Variants in KHDRBS2 observed in about 807,000 individuals in gnomAD.
KHDRBS2 encodes KH domain-containing, RNA-binding, signal transduction-associated protein 2.
A neutral mutation model predicts 44.3 loss-of-function variants in KHDRBS2; 26 were observed. That is an observed-to-expected ratio of 0.59 (90% CI 0.43 to 0.81). The LOEUF is 0.81. Among genes scored for constraint, KHDRBS2 ranks in the 40% least tolerant of loss-of-function variants. The pLI is 0.00. For synonymous variants in KHDRBS2, 194 were observed against 151.1 expected (o/e 1.28, Z -2.08); for missense variants, 476 against 433.1 (o/e 1.10, Z -0.88).
intron 6 of KHDRBS2, among the ~76,000 whole-genome samples, chr6:61,758,694 C>T (rs147543418): frequency 0.013 from 1,922 of 152,166 alleles, 24 homozygotes; most frequent in Non-Finnish European, 0.021. Flanking sequence ...ATAAAATATA[C>T]TCATGCTGTA....
At chr6:61,556,872 A>ATTTTTTTT in the KHDRBS2 span, among the ~76,000 whole-genome samples, 12 of 87,500 alleles carry the variant, frequency 1.4e-4, 1 homozygote, top group East Asian at 3.6e-4. Context: ...TGAAATTGAG[A>ATTTTTTTT]TTTTTTTTTT....
At chr6:61,721,153 C>T (rs1192814001) in intron 7 of KHDRBS2, among the ~76,000 whole-genome samples, 1 of 151,982 alleles carries the variant, frequency 6.6e-6, no homozygotes, top group Admixed American at 6.6e-5. Context: ...TGTTTTGGTA[C>T]CAGTACCATG....
At chr6:61,766,496 T>C (rs1022500387) in intron 6 of KHDRBS2, among the ~76,000 whole-genome samples, 7 of 152,024 alleles carry the variant, frequency 4.6e-5, no homozygotes, top group Non-Finnish European at 1.0e-4. Flanking sequence ...TTATTTCTTC[T>C]ACTAATTTTG....
chr6:61,634,847 T>A, the KHDRBS2 span, among the ~76,000 whole-genome samples: 1 of 152,058 alleles, frequency 6.6e-6, no homozygotes, highest in East Asian at 1.9e-4. Flanking sequence ...TACTTAAAAA[T>A]TGCTTTTGAT....
intron 6 of KHDRBS2, among the ~76,000 whole-genome samples, chr6:61,749,360 A>C (rs1777336674): frequency 6.6e-6 from 1 of 152,288 alleles, no homozygotes; most frequent in South Asian, 2.1e-4. Context: ...ACTGGTAACC[A>C]TATTGGACAT....
chr6:62,250,610 A>G (rs1235041356), intron 1 of KHDRBS2, among the ~76,000 whole-genome samples: 1 of 151,988 alleles, frequency 6.6e-6, no homozygotes, highest in Non-Finnish European at 1.5e-5. Context: ...GCTGGCTGGT[A>G]TATGTGGAGG....
chr6:62,143,628 T>C (rs1445696095), intron 2 of KHDRBS2, among the ~76,000 whole-genome samples: 2 of 151,954 alleles, frequency 1.3e-5, no homozygotes, highest in Non-Finnish European at 2.9e-5. Context: ...CTTTCTTCTA[T>C]AGGACGTGAT....
chr6:61,971,100 C>T (rs1771295879), intron 4 of KHDRBS2, among the ~76,000 whole-genome samples: 1 of 152,064 alleles, frequency 6.6e-6, no homozygotes, highest in South Asian at 2.1e-4. Context: ...AAGCCAAGTC[C>T]TATTTGTATC....
At chr6:62,217,402 T>A (rs1830199232) in intron 1 of KHDRBS2, among the ~76,000 whole-genome samples, 1 of 151,928 alleles carries the variant, frequency 6.6e-6, no homozygotes, top group South Asian at 2.1e-4. Context: ...GACTTAGAAG[T>A]AAACATATAT....
intron 2 of KHDRBS2, among the ~76,000 whole-genome samples, chr6:62,081,882 AC>A (rs1200513439): frequency 6.6e-6 from 1 of 152,046 alleles, no homozygotes; most frequent in Non-Finnish European, 1.5e-5. Context: ...ACACAAAGTC[AC>A]CTACTCTTCT....
chr6:62,018,087 A>G (rs951271980), intron 3 of KHDRBS2, among the ~76,000 whole-genome samples: 2 of 151,598 alleles, frequency 1.3e-5, no homozygotes, highest in African/African-American at 4.8e-5. Flanking sequence ...GTAATAAAAG[A>G]ACAATAATAG....
At chr6:62,034,247 A>T (rs191631280) in intron 3 of KHDRBS2, among the ~76,000 whole-genome samples, 18 of 152,050 alleles carry the variant, frequency 1.2e-4, no homozygotes, top group Admixed American at 1.1e-3. Context: ...ATTCTGCCAA[A>T]CACTTAAAGA....
intron 2 of KHDRBS2, among the ~76,000 whole-genome samples, chr6:62,094,065 TATG>T (rs1184750426): frequency 6.6e-6 from 1 of 151,894 alleles, no homozygotes; most frequent in African/African-American, 2.4e-5. Flanking sequence ...TGCTAGACCT[TATG>T]ATAATACTAT....
chr6:61,900,226 C>T (rs573530431), intron 5 of KHDRBS2, among the ~76,000 whole-genome samples: 1 of 151,748 alleles, frequency 6.6e-6, no homozygotes, highest in Non-Finnish European at 1.5e-5. Context: ...CGGTGAGAAA[C>T]ATTTTGAGAT....
intron 3 of KHDRBS2, among the ~76,000 whole-genome samples, chr6:62,009,790 C>T (rs1188440039): frequency 2.6e-5 from 4 of 152,114 alleles, no homozygotes; most frequent in Admixed American, 1.3e-4. Flanking sequence ...TGCAAGTGCA[C>T]GGAAGTCAAG....
chr6:61,804,965 G>A (rs1437830436), intron 6 of KHDRBS2, among the ~76,000 whole-genome samples: 1 of 152,260 alleles, frequency 6.6e-6, no homozygotes, highest in Middle Eastern at 3.4e-3. Flanking sequence ...ACAAATTTCT[G>A]AAGCTGCCTT....
At chr6:61,923,304 C>T (rs563491798) in intron 4 of KHDRBS2, among the ~76,000 whole-genome samples, 8 of 151,864 alleles carry the variant, frequency 5.3e-5, no homozygotes, top group East Asian at 3.9e-4. Flanking sequence ...GTAATATCAC[C>T]GCAGATTATG....
chr6:61,659,581 A>C, the KHDRBS2 span, among the ~76,000 whole-genome samples: 1 of 151,868 alleles, frequency 6.6e-6, no homozygotes, highest in Non-Finnish European at 1.5e-5. Context: ...TTAATATAGT[A>C]AAATTAATAT....
At chr6:62,068,871 TAATACC>T (rs1166615451) in intron 2 of KHDRBS2, among the ~76,000 whole-genome samples, 3 of 151,776 alleles carry the variant, frequency 2.0e-5, no homozygotes, top group Non-Finnish European at 3.0e-5. Context: ...ATCTTTATGC[TAATACC>T]AAACCATCTT....
Sources: allele counts gnomAD v4.1 joint callset (sites outside exome capture counted in the v4.1 genomes callset), GRCh38; gene constraint gnomAD v4.1.1; transcripts MANE v1.5; gene names NCBI Gene and HGNC (gene_info 2026-07-23, HGNC 2026-07-21).